DGKD: variants seen among roughly 807,000 people sequenced by gnomAD.
The protein encoded by DGKD is diacylglycerol kinase delta.
In DGKD, 68 loss-of-function variants were observed where a neutral mutation model predicts 154.4. The observed-to-expected ratio is 0.44, with a 90% confidence interval of 0.36 to 0.54. The LOEUF is 0.54. Ranked by LOEUF, DGKD falls within the 20% of genes least tolerant of loss-of-function variation. The probability of loss-of-function intolerance (pLI) is 0.00; values close to 1 mark genes in which losing one functional copy is unlikely to be tolerated. For synonymous variants in DGKD, 693 were observed against 638.0 expected (o/e 1.09, Z -1.30); for missense variants, 1,343 against 1,593.6 (o/e 0.84, Z 2.68).
chr2:233,358,523 C>A (rs1559466373), intron 1 of DGKD, among the ~76,000 whole-genome samples: 1 of 152,182 alleles, frequency 6.6e-6, no homozygotes, highest in African/African-American at 2.4e-5. Context: ...GTTTTGCAAC[C>A]ATCACCACAG....
chr2:233,427,165 A>G (rs1352000195), intron 3 of DGKD, among the ~76,000 whole-genome samples: 1 of 151,700 alleles, frequency 6.6e-6, no homozygotes, highest in Non-Finnish European at 1.5e-5. Context: ...TTCTTTCTCC[A>G]GTCATCAAGC....
At position 233,354,957 on chromosome 2, in the gene DGKD, G is replaced by T. The variant is rs1025204593; in HGVS notation, c.156+283G>T. On this transcript the variant is annotated intron_variant, in intron 1 of 29. Coordinates refer to ENST00000264057, the MANE Select transcript of DGKD (RefSeq NM_152879.3). This position sits in a 1 kb window ranked among gnomAD's most constrained non-coding sequence, Gnocchi z 4.8. ...GCGCTGGGCGGGGGGCGCGCGCCGA[G>T]TTGGGCCGCGAGGACCCGGAGGAAA... 2.0e-5 allele frequency among the ~76,000 whole-genome samples: 3 copies of T among 149,772 alleles called. No homozygotes were observed. Among genetic ancestry groups the T allele is most frequent in the Non-Finnish European group, 3.0e-5 (2 of 67,326 alleles).
chr2:233,432,341 T>G (rs13410192), intron 3 of DGKD, among the ~76,000 whole-genome samples: 3 of 98,810 alleles, frequency 3.0e-5, no homozygotes, highest in African/African-American at 1.3e-4. Context: ...CTGGCTAACA[T>G]GGTGAAACCT....
At chr2:233,388,763 T>G (rs7560032) in intron 2 of DGKD, 25,154 of 103,058 alleles carry the variant, frequency 0.24, 2,197 homozygotes, top group African/African-American at 0.38. Flanking sequence ...TTTTTTTTTT[T>G]GAGAGGGAGT....
intron 19 of DGKD, among the ~76,000 whole-genome samples, chr2:233,456,353 G>T (rs571706458): frequency 6.6e-6 from 1 of 152,320 alleles, no homozygotes; most frequent in Non-Finnish European, 1.5e-5. Context: ...CATTGCCGGC[G>T]CAGGGTAAAG....
intron 3 of DGKD, among the ~76,000 whole-genome samples, chr2:233,391,544 G>T (rs1003536056): frequency 3.9e-5 from 6 of 152,110 alleles, no homozygotes; most frequent in Admixed American, 3.3e-4. Context: ...TGACTTTAGC[G>T]CCTGCCTGTG....
intron 3 of DGKD, among the ~76,000 whole-genome samples, chr2:233,402,622 C>T (rs767390746): frequency 4.6e-5 from 7 of 152,198 alleles, no homozygotes; most frequent in Non-Finnish European, 8.8e-5. Context: ...CCAGGCTCCC[C>T]CTTTTACAAT....
chr2:233,449,887 G>T lies in DGKD; in HGVS notation c.1889-95G>T. ...GCCAGAGGTTGTTTGAGGAAGATCA[G>T]GCCGTGGGGTGAGGATGAGGGGCCC... On this transcript the variant is annotated intron_variant, in intron 15 of 29. Transcript: ENST00000264057. This position sits in a 1 kb window ranked among gnomAD's most constrained non-coding sequence, Gnocchi z 5.3. The T allele has an allele frequency of 7.0e-7, 1 of 1,422,754 alleles. No individual in the cohort carries two copies. Among genetic ancestry groups the T allele is most frequent in the Non-Finnish European group, 9.4e-7 (1 of 1,063,132 alleles). 88.1% of individuals were successfully genotyped at this position (1,422,754 alleles called of 1,614,324 possible).
chr2:233,460,069 TAAAAAA>T, intron 23 of DGKD, 119 bp from the exon 24 acceptor site: 4 of 1,372,322 alleles, frequency 2.9e-6, no homozygotes, highest in Non-Finnish European at 3.8e-6. Flanking sequence ...CCCCTAATGT[TAAAAAA>T]AAAAAAAAGT....
intron 3 of DGKD, among the ~76,000 whole-genome samples, chr2:233,416,599 T>A (rs1267620530): frequency 1.3e-5 from 2 of 152,212 alleles, no homozygotes; most frequent in African/African-American, 4.8e-5. Context: ...ATATGCAGAT[T>A]TACCATTAGT....
In DGKD at chr2:233,437,357, C is replaced by G. The variant is rs758587372; in HGVS notation, c.820-20C>G. 1.9e-5 allele frequency: 30 copies of G among 1,609,332 alleles called. No homozygotes were observed. The East Asian group carries it at 6.2e-4, about 33-fold the overall frequency. ...GAAGGATGCCAGTGACCCTTGGTGA[C>G]GCGGGGACTCTTGTTTCAGGTTCAC... On this transcript the variant is annotated intron_variant, in intron 7 of 29. Coordinates refer to ENST00000264057, the MANE Select transcript of DGKD (RefSeq NM_152879.3).
Position 233,461,155 on chromosome 2 carries a change from G to A in DGKD, c.2981+810G>A, listed in dbSNP as rs1329479173. ...TTCCTGCTCCTCGCCCGCCAGGTGC[G>A]GGTTCCGCCTGTGAGTCCCTCCCAG... On this transcript the variant is annotated intron_variant, in intron 24 of 29. Transcript: ENST00000264057. 5.9e-5 allele frequency among the ~76,000 whole-genome samples: 9 copies of A among 152,356 alleles called. No homozygotes were observed. In the East Asian group the frequency reaches 1.3e-3, roughly 23 times the overall value.
chr2:233,443,172 G>C (rs1159991237), intron 10 of DGKD, among the ~76,000 whole-genome samples: 2 of 152,184 alleles, frequency 1.3e-5, no homozygotes, highest in Admixed American at 6.5e-5. Context: ...CTTTCCCCGT[G>C]CACCATCCAA....
intron 12 of DGKD, among the ~76,000 whole-genome samples, chr2:233,447,128 C>T (rs561165175): frequency 1.3e-5 from 2 of 152,304 alleles, no homozygotes; most frequent in African/African-American, 4.8e-5. Flanking sequence ...CGCCCGTTCC[C>T]TCCCCCGCCG....
chr2:233,364,196 AC>A (rs1701920433), intron 1 of DGKD, among the ~76,000 whole-genome samples: 1 of 152,244 alleles, frequency 6.6e-6, no homozygotes, highest in Admixed American at 6.5e-5. Context: ...GTTACTGTGA[AC>A]CCAGAATTCT....
At chr2:233,360,281 C>T (rs6727030) in intron 1 of DGKD, among the ~76,000 whole-genome samples, 110,571 of 151,566 alleles carry the variant, frequency 0.73, 40,762 homozygotes, top group South Asian at 0.86. Flanking sequence ...TTCTTTTTTT[C>T]TGAGACAGGG....
chr2:233,444,471 G>A (rs1352692958), intron 10 of DGKD, among the ~76,000 whole-genome samples: 3 of 151,622 alleles, frequency 2.0e-5, no homozygotes, highest in South Asian at 4.2e-4. Context: ...TCTGCCTCCT[G>A]TTTCCTCGCT....
At position 233,452,539 on chromosome 2, in the gene DGKD, C is replaced by T. The variant is rs898201559; in HGVS notation, c.2264+479C>T. 6.6e-5 allele frequency among the ~76,000 whole-genome samples: 10 copies of T among 152,132 alleles called. No individual in the cohort carries two copies. Among genetic ancestry groups the T allele is most frequent in the African/African-American group, 2.4e-4 (10 of 41,414 alleles). On this transcript the variant is annotated intron_variant, in intron 18 of 29. Coordinates refer to ENST00000264057, the MANE Select transcript of DGKD (RefSeq NM_152879.3). This position sits in a 1 kb window ranked among gnomAD's most constrained non-coding sequence, Gnocchi z 4.0. ...ACCACAGACTCTGAGCTGGAGGGTC[C>T]TCTGTGTGTCTCCCTTGTGTCTCCG...
intron 3 of DGKD, among the ~76,000 whole-genome samples, chr2:233,421,604 A>G (rs2125546898): frequency 6.6e-6 from 1 of 152,046 alleles, no homozygotes; most frequent in South Asian, 2.1e-4. Context: ...GCCACGCACC[A>G]CGCGCCTGCT....
Sources: gnomAD v4.1 joint callset for allele counts (sites outside exome capture counted in the v4.1 genomes callset) on GRCh38, gnomAD v4.1.1 for gene constraint, Gnocchi (gnomAD v3.1) non-coding constraint, MANE v1.5 for transcripts, NCBI Gene and HGNC (gene_info 2026-07-23, HGNC 2026-07-21) for gene names.